VMP1: variants seen among roughly 807,000 people sequenced by gnomAD.
VMP1 encodes ectopic P-granules autophagy protein 3 homolog.
VMP1 carries 11 observed loss-of-function variants against 56.0 expected under a neutral mutation model. The observed-to-expected ratio is 0.20, with a 90% CI of 0.12 to 0.32. The LOEUF (loss-of-function observed/expected upper bound fraction) is 0.32, where lower values mean the gene tolerates loss of function less well. Among genes scored for constraint, VMP1 ranks in the 10% least tolerant of loss-of-function variants. The probability of loss-of-function intolerance (pLI) is 1.00; values close to 1 mark genes in which losing one functional copy is unlikely to be tolerated. For missense variants in VMP1, 296 were observed against 490.3 expected, an observed-to-expected ratio of 0.60 and a Z score of 3.74; for synonymous variants, 149 against 165.0, an observed-to-expected ratio of 0.90 and a Z score of 0.74.
At chr17:59,736,850 G>A (rs1243703278) in intron 3 of VMP1, among the ~76,000 whole-genome samples, 3 of 149,250 alleles carry the variant, frequency 2.0e-5, no homozygotes, top group African/African-American at 5.0e-5. Flanking sequence ...AGACCAGCCC[G>A]GCCAACATAG....
At position 59,838,305 on chromosome 17, in the gene VMP1, G is replaced by A. The variant is rs771798604; in HGVS notation, c.985G>A (p.Gly329Ser). The A allele has an allele frequency of 3.7e-6, 6 of 1,613,502 alleles. No homozygotes were observed. The highest frequency in any genetic ancestry group is 2.7e-5 in the African/African-American group (2 of 74,758). ...GTACCCTGCTTCCAGTGCTGTCCCC[G>A]GCATAGGTCCATCTCTGCAGAAGCC... ...QMVAFIGAVP[G>S]IGPSLQKPFQ... Residue 329 changes from glycine (G) to serine (S), a missense_variant, in exon 11 of 12, where the codon GGC (glycine) becomes AGC (serine). Physicochemically the swap from Gly to Ser is moderately conservative, Grantham distance 56. This residue lies in a region of VMP1 where 95 missense variants were observed against 137.6 expected (regional missense o/e 0.69). Transcript: ENST00000262291.
chr17:59,838,349 G>A lies in VMP1; in HGVS notation c.1029G>A (p.Glu343=), dbSNP rs2039049761. 6.2e-7 allele frequency: 1 copy of A among 1,613,942 alleles called. No individual in the cohort carries two copies. The highest frequency in any genetic ancestry group is 8.5e-7 in the Non-Finnish European group (1 of 1,180,030). Residue 343 remains glutamate (E), a synonymous_variant, in exon 11 of 12, where the codon GAG becomes GAA. Coordinates refer to ENST00000262291, the MANE Select transcript of VMP1 (RefSeq NM_030938.5). ...SLQKPFQEYL[E]AQRQKLHHKS... ...AGAAGCCATTTCAGGAGTACCTGGA[G>A]GCTCAACGGCAGAAGCTTCACCACA...
intron 7 of VMP1, among the ~76,000 whole-genome samples, chr17:59,776,532 G>A (rs1304764122): frequency 6.6e-6 from 1 of 152,088 alleles, no homozygotes; most frequent in Non-Finnish European, 1.5e-5. Context: ...TTAACTCTGA[G>A]GGAGTTTGGA....
At chr17:59,831,262 C>G (rs990306008) in intron 10 of VMP1, among the ~76,000 whole-genome samples, 2 of 152,176 alleles carry the variant, frequency 1.3e-5, no homozygotes, top group African/African-American at 4.8e-5. Flanking sequence ...ACCTTGAACT[C>G]CTAGGCTCAC....
chr17:59,832,182 CTTTTT>C (rs766864144), intron 10 of VMP1, among the ~76,000 whole-genome samples: 1 of 102,784 alleles, frequency 9.7e-6, no homozygotes, highest in African/African-American at 4.1e-5. Context: ...ATGAGATCAA[CTTTTT>C]TTTTTTTTTT....
chr17:59,815,855 CAAAAAAAAAAA>C (rs71145576), intron 9 of VMP1, among the ~76,000 whole-genome samples: 1 of 106,402 alleles, frequency 9.4e-6, no homozygotes, highest in South Asian at 2.7e-4. Context: ...GACTCCGTCT[CAAAAAAAAAAA>C]AAAAAAAAAA....
chr17:59,811,814 AATG>A, intron 9 of VMP1, 28 bp downstream of exon 9: 1 of 1,377,748 alleles, frequency 7.3e-7, no homozygotes. Context: ...TTCACTGCCT[AATG>A]ATGATGAACC....
intron 7 of VMP1, among the ~76,000 whole-genome samples, chr17:59,801,095 T>A (rs56413754): frequency 0.092 from 8,538 of 92,844 alleles, 621 homozygotes; most frequent in African/African-American, 0.19. Context: ...AAAAAAAATA[T>A]ATATATATAT....
At chr17:59,835,857 TTTAA>T (rs1434929194) in intron 10 of VMP1, among the ~76,000 whole-genome samples, 4 of 148,448 alleles carry the variant, frequency 2.7e-5, no homozygotes, top group Non-Finnish European at 5.9e-5. Context: ...AATACATATA[TTTAA>T]TTATATATAT....
intron 5 of VMP1, among the ~76,000 whole-genome samples, chr17:59,745,116 C>T (rs1010253711): frequency 2.0e-5 from 3 of 152,106 alleles, no homozygotes; most frequent in East Asian, 1.9e-4. Context: ...TTTTGCATCC[C>T]TACCTTACTG....
intron 1 of VMP1, among the ~76,000 whole-genome samples, chr17:59,712,953 G>A (rs898419016): frequency 1.3e-5 from 2 of 152,158 alleles, no homozygotes; most frequent in Non-Finnish European, 2.9e-5. Flanking sequence ...GACTAGAAGG[G>A]TAGCAAAGAA....
intron 7 of VMP1, among the ~76,000 whole-genome samples, chr17:59,783,175 G>A (rs1046163629): frequency 1.3e-5 from 2 of 152,118 alleles, no homozygotes; most frequent in African/African-American, 4.8e-5. Context: ...CAGCCTGGGC[G>A]ACAGAGCGAG....
At chr17:59,774,574 A>G (rs986271464) in intron 7 of VMP1, among the ~76,000 whole-genome samples, 1 of 152,224 alleles carries the variant, frequency 6.6e-6, no homozygotes, top group African/African-American at 2.4e-5. Context: ...CAAATTCTTA[A>G]GTAGTTACTA....
At chr17:59,814,882 G>C (rs2144243549) in intron 9 of VMP1, among the ~76,000 whole-genome samples, 1 of 152,284 alleles carries the variant, frequency 6.6e-6, no homozygotes, top group East Asian at 1.9e-4. Flanking sequence ...CATGTCACTT[G>C]ATGTACATCC....
intron 7 of VMP1, among the ~76,000 whole-genome samples, chr17:59,803,074 A>G (rs1412122098): frequency 6.6e-6 from 1 of 152,152 alleles, no homozygotes; most frequent in Non-Finnish European, 1.5e-5. Context: ...ATCTTTTCAT[A>G]TGGCTTCCTC....
At chr17:59,777,684 T>C (rs1409093671) in intron 7 of VMP1, among the ~76,000 whole-genome samples, 6 of 152,176 alleles carry the variant, frequency 3.9e-5, no homozygotes, top group African/African-American at 1.4e-4. Context: ...TGTGGTCGTA[T>C]GCGCCTGTAG....
At chr17:59,743,583 T>C (rs2035309058) in intron 5 of VMP1, among the ~76,000 whole-genome samples, 1 of 148,852 alleles carries the variant, frequency 6.7e-6, no homozygotes, top group Admixed American at 6.7e-5. Context: ...TCTCTCTCTA[T>C]ATATATATAT....
intron 5 of VMP1, among the ~76,000 whole-genome samples, chr17:59,743,600 T>TTA (rs1384395925): frequency 6.7e-6 from 1 of 149,414 alleles, no homozygotes; most frequent in East Asian, 1.9e-4. Flanking sequence ...ATATGCTATA[T>TTA]TATATATATG....
chr17:59,841,158 A>T lies in VMP1; in HGVS notation c.*1247A>T. On this transcript the variant is annotated 3_prime_UTR_variant, in exon 12 of 12. Transcript: ENST00000262291. ...GGGGTTCGATCTTAACAGGCCAGAA[A>T]TGCCTGGGTTTTTTTGGTTTGTTTT... is the stretch of plus-strand genomic sequence containing the variant. 1 of 348,542 alleles carries T rather than the reference A, an allele frequency of 2.9e-6. No individual in the cohort carries two copies. The highest frequency in any genetic ancestry group is 2.4e-5 in the South Asian group (1 of 41,354). The allele number at this position is 348,542 out of a possible 1,614,324, so 21.6% of individuals were successfully genotyped here.
Sources: gnomAD v4.1 joint callset for allele counts (sites outside exome capture counted in the v4.1 genomes callset) on GRCh38, gnomAD v4.1.1 for gene constraint, gnomAD v4.1.1 regional missense constraint, MANE v1.5 for transcripts, NCBI Gene and HGNC (gene_info 2026-07-23, HGNC 2026-07-21) for gene names.